The following RIGI variants were observed in gnomAD, a reference collection of about 807,000 sequenced individuals.
RIGI encodes RNA sensor RIG-I.
At chr9:32,470,034 A>C in the RIGI span, among the ~76,000 whole-genome samples, 1 of 152,234 alleles carries the variant, frequency 6.6e-6, no homozygotes, top group Admixed American at 6.5e-5. Context: ...AAATGCAGGC[A>C]GCTTTATTTT....
the RIGI span, chr9:32,488,089 T>G: frequency 3.1e-6 from 5 of 1,614,190 alleles, no homozygotes; most frequent in East Asian, 8.9e-5. Context: ...TCGTTCCCTT[T>G]TTAAGGTTGT....
chr9:32,489,575 A>G, the RIGI span: 1 of 498,576 alleles, frequency 2.0e-6, no homozygotes, highest in Non-Finnish European at 3.5e-6. Flanking sequence ...GAAAGTTTAG[A>G]ATCCTTTCTC....
the RIGI span, among the ~76,000 whole-genome samples, chr9:32,511,988 G>A: frequency 6.6e-6 from 1 of 152,116 alleles, no homozygotes; most frequent in Non-Finnish European, 1.5e-5. Flanking sequence ...TAGAAGAAAT[G>A]GATAAATTCC....
the RIGI span, among the ~76,000 whole-genome samples, chr9:32,457,595 T>C: frequency 2.6e-5 from 4 of 151,196 alleles, no homozygotes; most frequent in African/African-American, 9.7e-5. Flanking sequence ...GTCCAGAGGA[T>C]CCATGCACCT....
the RIGI span, chr9:32,493,954 GA>G: frequency 7.8e-6 from 12 of 1,545,614 alleles, no homozygotes; most frequent in East Asian, 2.3e-5. Context: ...TGAAAAAAAA[GA>G]AAAAAAATGT....
chr9:32,487,917 T>C, the RIGI span: 1 of 1,610,616 alleles, frequency 6.2e-7, no homozygotes. Context: ...ATAGCTCTTC[T>C]GAAGCATTCG....
At chr9:32,507,824 T>G in the RIGI span, among the ~76,000 whole-genome samples, 6 of 152,114 alleles carry the variant, frequency 3.9e-5, no homozygotes, top group Non-Finnish European at 8.8e-5. Context: ...ATTTTTATTT[T>G]TTATGTTATT....
At chr9:32,515,111 C>T in the RIGI span, among the ~76,000 whole-genome samples, 1 of 152,048 alleles carries the variant, frequency 6.6e-6, no homozygotes, top group East Asian at 1.9e-4. Context: ...CCTGAGTAAT[C>T]TTATTTGTGG....
chr9:32,467,787 A>T, the RIGI span: 1 of 1,594,806 alleles, frequency 6.3e-7, no homozygotes, highest in African/African-American at 1.3e-5. Context: ...TTTTGATGAC[A>T]TTGCCCACAT....
chr9:32,482,350 A>C, the RIGI span, among the ~76,000 whole-genome samples: 12 of 152,214 alleles, frequency 7.9e-5, no homozygotes, highest in Non-Finnish European at 1.0e-4. Context: ...AAGCCAAGTA[A>C]TAAGTAATTT....
chr9:32,523,209 T>C, the RIGI span, among the ~76,000 whole-genome samples: 1 of 152,198 alleles, frequency 6.6e-6, no homozygotes, highest in African/African-American at 2.4e-5. Context: ...GTCTCAGTGA[T>C]TGGCTTTATG....
the RIGI span, chr9:32,487,834 A>G: frequency 7.3e-7 from 1 of 1,376,442 alleles, no homozygotes; most frequent in Non-Finnish European, 9.9e-7. Flanking sequence ...GAGTTGTACA[A>G]TATGGACTTG....
At chr9:32,492,375 G>C in the RIGI span, 1 of 1,613,814 alleles carries the variant, frequency 6.2e-7, no homozygotes, top group Non-Finnish European at 8.5e-7. Flanking sequence ...GCTGTGAGGA[G>C]GGTACAGTGT....
the RIGI span, among the ~76,000 whole-genome samples, chr9:32,467,506 C>A: frequency 6.6e-6 from 1 of 152,132 alleles, no homozygotes; most frequent in Non-Finnish European, 1.5e-5. Flanking sequence ...AGCTTCAATC[C>A]AAGTTGGAAT....
chr9:32,512,451 G>C, the RIGI span, among the ~76,000 whole-genome samples: 1 of 152,134 alleles, frequency 6.6e-6, no homozygotes, highest in East Asian at 1.9e-4. Flanking sequence ...CACATAAACA[G>C]AACTAATGAC....
At chr9:32,476,299 C>A in the RIGI span, among the ~76,000 whole-genome samples, 1 of 152,066 alleles carries the variant, frequency 6.6e-6, no homozygotes, top group African/African-American at 2.4e-5. Context: ...AATTCAAGAC[C>A]AGTCTAGGCA....
the RIGI span, among the ~76,000 whole-genome samples, chr9:32,473,630 T>A: frequency 6.6e-6 from 1 of 152,170 alleles, no homozygotes; most frequent in Non-Finnish European, 1.5e-5. Context: ...TCAAAAATAG[T>A]GGGTATGTAG....
the RIGI span, among the ~76,000 whole-genome samples, chr9:32,487,069 A>C: frequency 6.6e-6 from 1 of 152,236 alleles, no homozygotes; most frequent in Non-Finnish European, 1.5e-5. Context: ...TCATGAATTC[A>C]GATCATTCCA....
chr9:32,458,110 C>T, the RIGI span, among the ~76,000 whole-genome samples: 54 of 152,254 alleles, frequency 3.5e-4, no homozygotes, highest in African/African-American at 1.1e-3. Flanking sequence ...TTTCTGAAGA[C>T]GAACGGAACA....
Sources: allele counts gnomAD v4.1 joint callset (sites outside exome capture counted in the v4.1 genomes callset), GRCh38; gene constraint gnomAD v4.1.1; transcripts MANE v1.5; gene names NCBI Gene and HGNC (gene_info 2026-07-23, HGNC 2026-07-21).